SIMC1: variants seen among roughly 807,000 people sequenced by gnomAD.
SIMC1 encodes the protein SUMO-interacting motif-containing protein 1.
SIMC1 carries 55 observed loss-of-function variants against 82.3 expected under a neutral mutation model. The observed-to-expected ratio is 0.67, with a 90% confidence interval of 0.54 to 0.84. The LOEUF is 0.84. SIMC1 is among the 40% of genes least tolerant of loss of function. The probability of loss-of-function intolerance (pLI) is 0.00; values close to 1 mark genes in which losing one functional copy is unlikely to be tolerated. For synonymous variants in SIMC1, 353 were observed against 426.3 expected (o/e 0.83, Z 2.12); for missense variants, 915 against 1,107.2 (o/e 0.83, Z 2.46).
In SIMC1 at chr5:176,284,021, A is replaced by G. The variant is rs577482749; in HGVS notation, c.130-5633A>G. On this transcript the variant is annotated intron_variant, in intron 1 of 9. Transcript: ENST00000429602. The stretch of plus-strand genomic sequence containing the variant: ...CCAATACAGGAGCCCCCAGATTCAT[A>G]AAGCAAGTCCTTAGAGACCTGCAAA... 2.4e-4 allele frequency among the ~76,000 whole-genome samples: 37 copies of G among 152,366 alleles called. No homozygotes were observed. The South Asian group carries it at 7.7e-3, about 32-fold the overall frequency.
intron 4 of SIMC1, among the ~76,000 whole-genome samples, chr5:176,306,521 T>C (rs922416053): frequency 6.8e-6 from 1 of 147,758 alleles, no homozygotes; most frequent in African/African-American, 2.5e-5. Flanking sequence ...GCCGTGTCTG[T>C]GTAGAAAGAA....
At chr5:176,249,858 A>C (rs1265734530) in intron 1 of SIMC1, among the ~76,000 whole-genome samples, 2 of 151,120 alleles carry the variant, frequency 1.3e-5, no homozygotes, top group Non-Finnish European at 3.0e-5. Flanking sequence ...AAAAAAAAAA[A>C]AAAAAACCAG....
At chr5:176,291,208 G>A (rs914533250) in intron 2 of SIMC1, among the ~76,000 whole-genome samples, 1 of 134,082 alleles carries the variant, frequency 7.5e-6, no homozygotes, top group Non-Finnish European at 1.5e-5. Flanking sequence ...CTGTCTCCCA[G>A]GCTAGAGTGC....
chr5:176,263,488 G>A (rs1762084660), intron 1 of SIMC1: 3 of 1,543,074 alleles, frequency 1.9e-6, no homozygotes, highest in Admixed American at 4.0e-5. Context: ...CATGGCAGAG[G>A]TGAATGGGGA....
intron 1 of SIMC1, among the ~76,000 whole-genome samples, chr5:176,262,007 C>G (rs1762031273): frequency 6.6e-6 from 1 of 151,612 alleles, no homozygotes; most frequent in Non-Finnish European, 1.5e-5. Context: ...CAAAGCAAGA[C>G]AAATTATAAG....
chr5:176,294,921 C>T (rs780244962), intron 2 of SIMC1, 109 bp from the exon 3 acceptor site: 162 of 1,374,094 alleles, frequency 1.2e-4, no homozygotes, highest in Middle Eastern at 2.5e-4. Context: ...GCTGAGATCA[C>T]GCCACTGCAC....
intron 4 of SIMC1, among the ~76,000 whole-genome samples, chr5:176,306,526 AAAG>A (rs776149009): frequency 0.017 from 2,575 of 149,614 alleles, 75 homozygotes; most frequent in African/African-American, 0.058. Context: ...GTCTGTGTAG[AAAG>A]AAGTAGACAT....
chr5:176,249,854 A>AC (rs1761589947), intron 1 of SIMC1, among the ~76,000 whole-genome samples: 1 of 151,126 alleles, frequency 6.6e-6, no homozygotes, highest in Admixed American at 6.6e-5. Context: ...AAAAAAAAAA[A>AC]AAAAAAAAAA....
At chr5:176,264,105 G>A (rs1336431668) in intron 1 of SIMC1, among the ~76,000 whole-genome samples, 2 of 152,240 alleles carry the variant, frequency 1.3e-5, no homozygotes, top group Admixed American at 6.5e-5. Flanking sequence ...AAGGCCTTGG[G>A]CAGCCCCACC....
chr5:176,262,730 A>G (rs1028705249), intron 1 of SIMC1, among the ~76,000 whole-genome samples: 4 of 152,198 alleles, frequency 2.6e-5, no homozygotes, highest in Non-Finnish European at 5.9e-5. Context: ...ACTTGAACCC[A>G]GGAAGCAGAG....
chr5:176,335,434 G>A (rs571109701), intron 7 of SIMC1, among the ~76,000 whole-genome samples: 125 of 151,498 alleles, frequency 8.3e-4, no homozygotes, highest in African/African-American at 2.9e-3. Flanking sequence ...ACACCACCAC[G>A]CCTGGCTAAT....
intron 1 of SIMC1, among the ~76,000 whole-genome samples, chr5:176,281,387 T>C (rs1460576491): frequency 6.6e-6 from 1 of 152,096 alleles, no homozygotes; most frequent in Non-Finnish European, 1.5e-5. Flanking sequence ...TATCCTCCTG[T>C]AGCTTGTAGT....
chr5:176,332,054 G>A (rs1765694013), intron 7 of SIMC1, among the ~76,000 whole-genome samples: 1 of 152,046 alleles, frequency 6.6e-6, no homozygotes, highest in East Asian at 1.9e-4. Context: ...AAGAAAAAAG[G>A]TTATGTTTAT....
chr5:176,336,952 T>G, intron 8 of SIMC1, 76 bp downstream of exon 8: 1 of 1,602,088 alleles, frequency 6.2e-7, no homozygotes, highest in Admixed American at 1.7e-5. Context: ...CCATAGGATT[T>G]TAGCTTAAAA....
chr5:176,334,900 T>C (rs1390371623), intron 7 of SIMC1, among the ~76,000 whole-genome samples: 1 of 152,038 alleles, frequency 6.6e-6, no homozygotes, highest in Non-Finnish European at 1.5e-5. Context: ...GAGACCAGCC[T>C]GGCCAACATG....
intron 1 of SIMC1, among the ~76,000 whole-genome samples, chr5:176,276,657 C>G (rs1401872443): frequency 7.1e-6 from 1 of 140,386 alleles, no homozygotes; most frequent in African/African-American, 2.7e-5. Context: ...TCCATGTGAT[C>G]TCATTGTTCA....
rs1208033238 is a variant in SIMC1, at chr5:176,246,444, GTGTGTT to G, written c.129+7808_129+7813del. On this transcript the variant is annotated intron_variant, in intron 1 of 9. Transcript: ENST00000429602. The stretch of plus-strand genomic sequence containing the variant: ...TGTGTGTGTGTGTGTGTGTGTGTGT[GTGTGTT>G]GTTTGTTTGTTTGTCTTGAGATGGA... Among the ~76,000 whole-genome samples the G allele has an allele frequency of 1.6e-3, 243 of 149,730 alleles. 1 individual carries two copies. Among genetic ancestry groups the G allele is most frequent in the Middle Eastern group, 0.01 (3 of 290 alleles).
intron 4 of SIMC1, among the ~76,000 whole-genome samples, chr5:176,297,060 A>T (rs1371922917): frequency 6.6e-6 from 1 of 152,214 alleles, no homozygotes; most frequent in Non-Finnish European, 1.5e-5. Flanking sequence ...ACAATATCTA[A>T]TAGAGGGCAG....
At chr5:176,251,469 C>T (rs890122951) in intron 1 of SIMC1, among the ~76,000 whole-genome samples, 19 of 152,202 alleles carry the variant, frequency 1.2e-4, no homozygotes, top group Admixed American at 1.0e-3. Flanking sequence ...TAAGGCAGGC[C>T]TGGTGATGAC....
Sources: allele counts gnomAD v4.1 joint callset (sites outside exome capture counted in the v4.1 genomes callset), GRCh38; gene constraint gnomAD v4.1.1; transcripts MANE v1.5; gene names NCBI Gene and HGNC (gene_info 2026-07-23, HGNC 2026-07-21).